Variants in BIRC2 observed in about 807,000 individuals in gnomAD.
BIRC2 encodes baculoviral IAP repeat containing 2.
Under a neutral mutation model 60.9 loss-of-function variants are expected in BIRC2, and 18 were observed. The observed-to-expected ratio is 0.30, with a 90% CI of 0.20 to 0.44. The LOEUF is 0.44. Among genes scored for constraint, BIRC2 ranks in the 20% least tolerant of loss-of-function variants. The pLI is 1.00. For missense variants in BIRC2, 701 were observed against 728.5 expected (o/e 0.96, Z 0.43); for synonymous variants, 282 against 247.7 (o/e 1.14, Z -1.30).
intron 5 of BIRC2, among the ~76,000 whole-genome samples, chr11:102,365,900 T>C (rs1034915680): frequency 6.6e-6 from 1 of 152,198 alleles, no homozygotes; most frequent in Non-Finnish European, 1.5e-5. Context: ...GCCTCATCTT[T>C]CTTAAGACAC....
chr11:102,378,342 G>A lies in BIRC2; in HGVS notation c.*159G>A, dbSNP rs532044129. 8 of 563,688 alleles carry A rather than the reference G, an allele frequency of 1.4e-5. No homozygotes were observed. Among genetic ancestry groups the A allele is most frequent in the African/African-American group, 1.2e-4 (6 of 51,884 alleles). The allele number at this position is 563,688 out of a possible 1,614,324, so 34.9% of individuals were successfully genotyped here. On this transcript the variant is annotated 3_prime_UTR_variant, in exon 9 of 9. Transcript: ENST00000227758. ...CTAATAATCTTGTTTCTGAAAAGAT[G>A]GTATCATATATTTAATCTTAATCTG... is the stretch of plus-strand genomic sequence containing the variant.
Position 102,350,850 on chromosome 11 carries a change from A to G in BIRC2, c.902A>G (p.Asn301Ser), listed in dbSNP as rs1565330747. 7 of 1,613,814 alleles carry G rather than the reference A, an allele frequency of 4.3e-6. No homozygotes were observed. The highest frequency in any genetic ancestry group is 1.3e-5 in the African/African-American group (1 of 75,048). The stretch of plus-strand genomic sequence containing the variant: ...AGTCTTTTTTTTCCTGAAGGTCGCA[A>G]TGATGATGTCAAATGCTTTTGTTGT... ...ASAGFYYVGR[N>S]DDVKCFCCDG... The change falls in exon 3 of 9, where the codon AAT becomes AGT. Residue 301 changes from asparagine to serine, a missense_variant. Asn to Ser is a conservative substitution (Grantham distance 46, BLOSUM62 1). Coordinates refer to ENST00000227758, the MANE Select transcript of BIRC2 (RefSeq NM_001166.5).
chr11:102,360,827 T>A (rs1461173322), intron 3 of BIRC2, among the ~76,000 whole-genome samples: 1 of 144,702 alleles, frequency 6.9e-6, no homozygotes, highest in Non-Finnish European at 1.5e-5. Context: ...TGGGTGAGGG[T>A]GAGGGTGAGG....
chr11:102,376,449 T>G (rs1951715249), intron 6 of BIRC2, among the ~76,000 whole-genome samples: 1 of 152,248 alleles, frequency 6.6e-6, no homozygotes, highest in African/African-American at 2.4e-5. Flanking sequence ...AGTTCACTTC[T>G]AGAGAGATGT....
rs527821458 is a variant in BIRC2, at chr11:102,357,918, T to G, written c.996-4978T>G. Among the ~76,000 whole-genome samples, 86 of 152,342 alleles carry G rather than the reference T, an allele frequency of 5.6e-4. 1 individual carries two copies. The highest frequency in any genetic ancestry group is 2.0e-3 in the African/African-American group (84 of 41,596). ...TAGAACTGCATTTGTTCTATACATT[T>G]TGCTATGTCGCATTTCAATTTTAAT... is the stretch of plus-strand genomic sequence containing the variant. On this transcript the variant is annotated intron_variant, in intron 3 of 8. Transcript: ENST00000227758.
At chr11:102,377,064 C>G (rs1355544100) in intron 6 of BIRC2, among the ~76,000 whole-genome samples, 1 of 152,126 alleles carries the variant, frequency 6.6e-6, no homozygotes, top group African/African-American at 2.4e-5. Flanking sequence ...TCATTCTTTT[C>G]TGAGTCTTTT....
At chr11:102,375,636 C>T (rs1017097371) in intron 6 of BIRC2, among the ~76,000 whole-genome samples, 1 of 151,956 alleles carries the variant, frequency 6.6e-6, no homozygotes, top group Admixed American at 6.6e-5. Context: ...AAAAATTAGC[C>T]GGGCATGGTG....
In BIRC2 at chr11:102,368,342, A is replaced by G. The variant is rs558860831; in HGVS notation, c.1160A>G (p.Asp387Gly). ...HFGPGESSSEDAVMMNTPVVK... is the reference protein window; with the variant it reads ...HFGPGESSSEGAVMMNTPVVK... ...GGACCTGGAGAAAGTTCTTCAGAAG[A>G]TGCTGTCATGATGAATACACCTGTG... The change falls in exon 6 of 9, where the codon GAT (aspartate) becomes GGT (glycine). Residue 387 changes from aspartate (D) to glycine (G), a missense_variant. Around this residue, in one of 4 missense-constraint regions of BIRC2, gnomAD observed 235 missense variants for 208.9 expected, o/e 1.12. Coordinates refer to ENST00000227758, the MANE Select transcript of BIRC2 (RefSeq NM_001166.5). 21 of 1,613,890 alleles carry G rather than the reference A, an allele frequency of 1.3e-5. No individual in the cohort carries two copies. Among genetic ancestry groups the G allele is most frequent in the Non-Finnish European group, 1.7e-5 (20 of 1,179,896 alleles).
chr11:102,354,451 C>A (rs959994063), intron 3 of BIRC2, among the ~76,000 whole-genome samples: 3 of 152,172 alleles, frequency 2.0e-5, no homozygotes, highest in African/African-American at 7.2e-5. Context: ...TCAAGTGATC[C>A]ACCCGGAGTG....
At chr11:102,373,766 C>A (rs897599953) in intron 6 of BIRC2, among the ~76,000 whole-genome samples, 1 of 151,722 alleles carries the variant, frequency 6.6e-6, no homozygotes, top group Non-Finnish European at 1.5e-5. Flanking sequence ...AGAGTGTTTT[C>A]CAACTTGGTT....
At chr11:102,374,961 C>G (rs926891089) in intron 6 of BIRC2, among the ~76,000 whole-genome samples, 2 of 152,206 alleles carry the variant, frequency 1.3e-5, no homozygotes, top group Admixed American at 6.5e-5. Context: ...TTCTTTGACT[C>G]GGAAAGGGAA....
chr11:102,364,002 A>G (rs1436049251), intron 5 of BIRC2, among the ~76,000 whole-genome samples: 2 of 151,248 alleles, frequency 1.3e-5, no homozygotes, highest in Admixed American at 6.6e-5. Flanking sequence ...GTGAACTGAG[A>G]TTATGCCATT....
chr11:102,363,103 T>C (rs899200417), intron 4 of BIRC2, 129 bp downstream of exon 4: 1 of 618,300 alleles, frequency 1.6e-6, no homozygotes, highest in African/African-American at 1.8e-5. Context: ...ATCACTTTTG[T>C]ACCAACCTAT....
At chr11:102,352,835 A>G (rs551620952) in intron 3 of BIRC2, among the ~76,000 whole-genome samples, 2 of 152,370 alleles carry the variant, frequency 1.3e-5, no homozygotes, top group African/African-American at 4.8e-5. Flanking sequence ...GTCTTTCACA[A>G]TAATGAAGAA....
chr11:102,377,166 C>T (rs1354264339), intron 6 of BIRC2, among the ~76,000 whole-genome samples: 1 of 151,994 alleles, frequency 6.6e-6, no homozygotes, highest in Non-Finnish European at 1.5e-5. Flanking sequence ...TATGAAAGTG[C>T]TTACAAAAGT....
Position 102,350,167 on chromosome 11 carries a change from C to G in BIRC2, c.313C>G (p.Gln105Glu). 3 of 1,614,202 alleles carry G rather than the reference C, an allele frequency of 1.9e-6. No homozygotes were observed. Among genetic ancestry groups the G allele is most frequent in the Non-Finnish European group, 2.5e-6 (3 of 1,180,040 alleles). Residue 105 changes from glutamine to glutamate, a missense_variant, in exon 2 of 9, where the codon CAG becomes GAG. This residue lies in a region of BIRC2 where 375 missense variants were observed against 365.9 expected (regional missense o/e 1.02). Coordinates refer to ENST00000227758, the MANE Select transcript of BIRC2 (RefSeq NM_001166.5). ...LGDSPIQKHK[Q>E]LYPSCSFIQN... ...AGACAGTCCTATTCAAAAGCATAAACAGCTATATCCTAGCTGTAGCTTTAT... is the reference window on the plus strand; with the variant it reads ...AGACAGTCCTATTCAAAAGCATAAAGAGCTATATCCTAGCTGTAGCTTTAT...
chr11:102,361,408 C>T (rs867912916), intron 3 of BIRC2, among the ~76,000 whole-genome samples: 6 of 152,072 alleles, frequency 3.9e-5, no homozygotes, highest in African/African-American at 1.4e-4. Flanking sequence ...GCAGCTGTGG[C>T]TCTGGGGTCT....
intron 5 of BIRC2, among the ~76,000 whole-genome samples, chr11:102,367,514 T>G (rs1286114787): frequency 1.3e-5 from 2 of 152,228 alleles, no homozygotes; most frequent in Non-Finnish European, 2.9e-5. Flanking sequence ...ACGTTGTATA[T>G]TTATTATAAG....
In BIRC2 at chr11:102,350,961, G is replaced by A. The variant is rs1388952168; in HGVS notation, c.995+18G>A. ...TTTCCAAGGTAATTGTTTTGAAAAA[G>A]GTATTTGTACAAAAAACTCTGTGCT... On this transcript the variant is annotated intron_variant, in intron 3 of 8. Transcript: ENST00000227758. The A allele has an allele frequency of 6.2e-7, 1 of 1,608,194 alleles. No individual in the cohort carries two copies. The highest frequency in any genetic ancestry group is 8.5e-7 in the Non-Finnish European group (1 of 1,176,682).
Sources: gnomAD v4.1 joint callset for allele counts (sites outside exome capture counted in the v4.1 genomes callset) on GRCh38, gnomAD v4.1.1 for gene constraint, gnomAD v4.1.1 regional missense constraint, MANE v1.5 for transcripts, NCBI Gene and HGNC (gene_info 2026-07-23, HGNC 2026-07-21) for gene names.